The following MAGI2 variants were observed in gnomAD, a reference collection of about 807,000 sequenced individuals.
MAGI2 encodes membrane associated guanylate kinase, WW and PDZ domain containing 2, also known as membrane-associated guanylate kinase, WW and PDZ domain-containing protein 2.
Under a neutral mutation model 133.3 loss-of-function variants are expected in MAGI2, and 35 were observed. The ratio of observed to expected loss-of-function variants is 0.26; its 90% CI spans 0.20 to 0.35. The LOEUF (loss-of-function observed/expected upper bound fraction) is 0.35. MAGI2 is among the 10% of genes least tolerant of loss of function. The pLI is 1.00. For missense variants in MAGI2, 1,636 were observed against 1,863.4 expected (o/e 0.88, Z 2.25); for synonymous variants, 729 against 710.6 (o/e 1.03, Z -0.41).
rs535755204 is a variant in MAGI2, at chr7:79,179,125, C to A, written c.302-171919G>T. Among the ~76,000 whole-genome samples the A allele has an allele frequency of 3.8e-4, 58 of 152,016 alleles. 1 individual carries two copies. The highest frequency in any genetic ancestry group is 1.3e-3 in the African/African-American group (54 of 41,402). ...TAGTAACATTTCAGTAAAAAATGCA[C>A]CACATATATATATTACAGTGTTAAT... On this transcript the variant is annotated intron_variant, in intron 1 of 21. Coordinates refer to ENST00000354212, the MANE Select transcript of MAGI2 (RefSeq NM_012301.4).
At chr7:78,367,100 AACACAC>A (rs6150177) in intron 7 of MAGI2, among the ~76,000 whole-genome samples, 44 of 146,886 alleles carry the variant, frequency 3.0e-4, no homozygotes, top group Non-Finnish European at 4.8e-4. Context: ...AATGTAGGCA[AACACAC>A]ACACACACAC....
chr7:78,910,265 T>TTTG (rs1162519217), intron 2 of MAGI2, among the ~76,000 whole-genome samples: 1 of 134,856 alleles, frequency 7.4e-6, no homozygotes, highest in Non-Finnish European at 1.6e-5. Flanking sequence ...AAGTAATTCT[T>TTTG]TTTTTTTTTT....
At chr7:78,573,365 A>AATATATATATATATATATATATAT (rs58739225) in intron 3 of MAGI2, among the ~76,000 whole-genome samples, 7 of 29,034 alleles carry the variant, frequency 2.4e-4, no homozygotes, top group African/African-American at 5.5e-4. Context: ...GAATCCTGGA[A>AATATATATATATATATATATATAT]ATATATATAT....
intron 1 of MAGI2, among the ~76,000 whole-genome samples, chr7:79,391,913 T>C (rs1321096905): frequency 1.3e-5 from 2 of 152,052 alleles, no homozygotes; most frequent in African/African-American, 4.8e-5. Flanking sequence ...CTTGATCTCC[T>C]GACCTCGTGA....
intron 1 of MAGI2, among the ~76,000 whole-genome samples, chr7:79,352,615 T>C (rs1841765766): frequency 6.6e-6 from 1 of 152,226 alleles, no homozygotes; most frequent in African/African-American, 2.4e-5. Context: ...GTGCTATTAT[T>C]ACTGGAGGAC....
At chr7:78,321,065 A>C (rs889301700) in intron 9 of MAGI2, among the ~76,000 whole-genome samples, 11 of 152,202 alleles carry the variant, frequency 7.2e-5, no homozygotes, top group African/African-American at 2.7e-4. Flanking sequence ...CTTACAAGGG[A>C]TGTGAAGGAC....
intron 3 of MAGI2, among the ~76,000 whole-genome samples, chr7:78,571,324 C>T (rs1801476095): frequency 6.6e-6 from 1 of 152,084 alleles, no homozygotes; most frequent in African/African-American, 2.4e-5. Context: ...CTCCTGTTCT[C>T]AGTTAACTTG....
chr7:78,542,738 GC>G (rs1435614802), intron 3 of MAGI2, among the ~76,000 whole-genome samples: 5 of 152,160 alleles, frequency 3.3e-5, no homozygotes, highest in African/African-American at 9.7e-5. Context: ...CAGCATTTGA[GC>G]CTGAGAAGAT....
intron 3 of MAGI2, among the ~76,000 whole-genome samples, chr7:78,602,504 A>C (rs766113067): frequency 3.3e-5 from 5 of 152,152 alleles, no homozygotes; most frequent in Non-Finnish European, 7.4e-5. Flanking sequence ...CTTGTCTTGG[A>C]TGCTTTGAAG....
intron 9 of MAGI2, among the ~76,000 whole-genome samples, chr7:78,275,393 T>C (rs1160577078): frequency 6.6e-6 from 1 of 152,216 alleles, no homozygotes; most frequent in Non-Finnish European, 1.5e-5. Context: ...TTGGCCATCT[T>C]GCCAGCAGAC....
intron 20 of MAGI2, among the ~76,000 whole-genome samples, chr7:78,102,941 C>T (rs1442796383): frequency 1.3e-5 from 2 of 152,140 alleles, no homozygotes; most frequent in African/African-American, 4.8e-5. Flanking sequence ...CTCTGGAGTC[C>T]TGAGGATTAT....
At chr7:78,708,876 T>C (rs1818904726) in intron 2 of MAGI2, among the ~76,000 whole-genome samples, 1 of 152,052 alleles carries the variant, frequency 6.6e-6, no homozygotes, top group African/African-American at 2.4e-5. Flanking sequence ...TTAAAGTACC[T>C]TATAAGACAT....
chr7:78,869,847 G>A (rs897271563), intron 2 of MAGI2, among the ~76,000 whole-genome samples: 1 of 152,154 alleles, frequency 6.6e-6, no homozygotes, highest in Non-Finnish European at 1.5e-5. Flanking sequence ...CTAACCATCA[G>A]TGTCCTTTCC....
chr7:78,589,784 A>G (rs921931773), intron 3 of MAGI2, among the ~76,000 whole-genome samples: 1 of 152,212 alleles, frequency 6.6e-6, no homozygotes, highest in Non-Finnish European at 1.5e-5. Flanking sequence ...GCATTCTTTG[A>G]TTACTTTAAA....
rs55740303 is a variant in MAGI2, at chr7:78,536,759, G to GT, written c.539-15115dup. Among the ~76,000 whole-genome samples, 312 of 122,400 alleles carry GT rather than the reference G, an allele frequency of 2.5e-3. 2 individuals are homozygous for GT. Among genetic ancestry groups the GT allele is most frequent in the Middle Eastern group, 4.1e-3 (1 of 242 alleles). The allele number at this position is 122,400 out of a possible 152,430, so 80.3% of individuals were successfully genotyped here. ...TAGTTTTTTTTTTGTTTTTGTTGTTGTTTTTTTTTTTTTTTTCTGGAGACA... is the reference window on the plus strand; with the variant it reads ...TAGTTTTTTTTTTGTTTTTGTTGTTGTTTTTTTTTTTTTTTTTCTGGAGACA... On this transcript the variant is annotated intron_variant, in intron 3 of 21. Transcript: ENST00000354212.
chr7:78,911,389 T>A (rs1211414201), intron 2 of MAGI2, among the ~76,000 whole-genome samples: 2 of 152,146 alleles, frequency 1.3e-5, no homozygotes, highest in Non-Finnish European at 2.9e-5. Context: ...GGGATGTGAT[T>A]AGATAATAAG....
intron 9 of MAGI2, among the ~76,000 whole-genome samples, chr7:78,258,714 C>T (rs1228302977): frequency 1.3e-5 from 2 of 152,046 alleles, no homozygotes; most frequent in Non-Finnish European, 2.9e-5. Context: ...TATTCTGTAA[C>T]TTTTCTTAAA....
At chr7:79,003,794 A>G (rs1807140045) in intron 2 of MAGI2, among the ~76,000 whole-genome samples, 1 of 152,234 alleles carries the variant, frequency 6.6e-6, no homozygotes, top group Non-Finnish European at 1.5e-5. Context: ...GGCAAATGAC[A>G]TGAACAGACA....
chr7:78,187,858 T>C (rs1468656659), intron 12 of MAGI2, among the ~76,000 whole-genome samples: 1 of 152,208 alleles, frequency 6.6e-6, no homozygotes, highest in African/African-American at 2.4e-5. Context: ...TTAAACTCTA[T>C]AGCCCTGATG....
Sources: gnomAD v4.1 joint callset for allele counts (sites outside exome capture counted in the v4.1 genomes callset) on GRCh38, gnomAD v4.1.1 for gene constraint, MANE v1.5 for transcripts, NCBI Gene and HGNC (gene_info 2026-07-23, HGNC 2026-07-21) for gene names.